CCDC73: variants seen among roughly 807,000 people sequenced by gnomAD.
The protein encoded by CCDC73 is coiled-coil domain-containing protein 73.
CCDC73 carries 95 observed loss-of-function variants against 116.5 expected under a neutral mutation model. The observed-to-expected ratio is 0.82, with a 90% CI of 0.69 to 0.97. CCDC73 has a LOEUF of 0.97. Ranked by LOEUF, CCDC73 falls within the 50% of genes least tolerant of loss-of-function variation. The pLI is 0.00. For synonymous variants in CCDC73, 398 were observed against 401.3 expected (o/e 0.99, Z 0.10); for missense variants, 1,066 against 1,206.8 (o/e 0.88, Z 1.73).
In CCDC73 at chr11:32,613,790, G is replaced by A; in HGVS notation, c.2528C>T (p.Thr843Ile). ...NERQHTLLNN[T>I]EKTESLNDIV... The stretch of plus-strand genomic sequence containing the variant: ...GTCATTTAATGATTCTGTTTTCTCT[G>A]TATTATTTAACAATGTATGCTGTCT... Residue 843 changes from threonine (T) to isoleucine (I), a missense_variant, in exon 16 of 18, where the codon ACA (threonine) becomes ATA (isoleucine). By Grantham distance (89) the Thr-to-Ile change is moderately conservative (BLOSUM62 -1). Coordinates refer to ENST00000335185, the MANE Select transcript of CCDC73 (RefSeq NM_001008391.4). The A allele has an allele frequency of 1.2e-6, 2 of 1,613,698 alleles. No homozygotes were observed. Among genetic ancestry groups the A allele is most frequent in the South Asian group, 1.1e-5 (1 of 91,074 alleles).
rs1425861415 is a variant in CCDC73 at position 32,614,616 on chromosome 11, C to T, written c.1702G>A (p.Glu568Lys). 6.2e-7 allele frequency: 1 copy of T among 1,611,828 alleles called. No individual in the cohort carries two copies. The highest frequency in any genetic ancestry group is 8.5e-7 in the Non-Finnish European group (1 of 1,178,514). ...LDVHHTDVNL[E>K]VENNKTSFNS... Reference sequence around the variant, plus strand: ...AATGATGTTTTGTTATTTTCAACCTCCAGATTTACATCTGTATGGTGAACA... The same window carrying T: ...AATGATGTTTTGTTATTTTCAACCTTCAGATTTACATCTGTATGGTGAACA... Residue 568 changes from glutamate to lysine, a missense_variant, in exon 16 of 18, where the codon GAG becomes AAG. Transcript: ENST00000335185.
chr11:32,703,866 A>G (rs1407637293), intron 3 of CCDC73, among the ~76,000 whole-genome samples: 10 of 152,236 alleles, frequency 6.6e-5, no homozygotes, highest in African/African-American at 2.4e-4. Context: ...ATCAAAGTTA[A>G]TAATTCTCAT....
At chr11:32,652,018 G>C (rs1855830046) in intron 12 of CCDC73, among the ~76,000 whole-genome samples, 1 of 152,110 alleles carries the variant, frequency 6.6e-6, no homozygotes, top group African/African-American at 2.4e-5. Flanking sequence ...AACCACTAAG[G>C]TTTTTTAAGA....
At chr11:32,725,493 C>T (rs910127456) in intron 2 of CCDC73, among the ~76,000 whole-genome samples, 1 of 152,188 alleles carries the variant, frequency 6.6e-6, no homozygotes, top group Non-Finnish European at 1.5e-5. Context: ...GTCCTACCTA[C>T]TAGCTTATAA....
chr11:32,699,560 G>C (rs1459903776), intron 5 of CCDC73, among the ~76,000 whole-genome samples: 1 of 152,114 alleles, frequency 6.6e-6, no homozygotes, highest in Non-Finnish European at 1.5e-5. Flanking sequence ...ATAAAAAAAG[G>C]ATGAGTTCAT....
intron 9 of CCDC73, among the ~76,000 whole-genome samples, chr11:32,658,778 T>A (rs11031922): frequency 6.6e-6 from 1 of 151,502 alleles, no homozygotes; most frequent in African/African-American, 2.4e-5. Flanking sequence ...TGAGACATTC[T>A]AAAAAAAAAT....
At chr11:32,829,551 C>G in the CCDC73 span, among the ~76,000 whole-genome samples, 2 of 152,234 alleles carry the variant, frequency 1.3e-5, no homozygotes, top group Non-Finnish European at 2.9e-5. Context: ...CGTCCCCGGA[C>G]CACCCTTTTG....
chr11:32,724,376 A>G (rs1195930798), intron 2 of CCDC73, among the ~76,000 whole-genome samples: 3 of 152,278 alleles, frequency 2.0e-5, no homozygotes, highest in South Asian at 2.1e-4. Flanking sequence ...ACGTGATAGT[A>G]TAGTTATTAA....
chr11:32,735,827 A>G (rs1183055853), intron 2 of CCDC73, among the ~76,000 whole-genome samples: 2 of 152,186 alleles, frequency 1.3e-5, no homozygotes, highest in African/African-American at 2.4e-5. Context: ...GACCAATGGA[A>G]CAGAACAGAG....
the CCDC73 span, among the ~76,000 whole-genome samples, chr11:32,820,680 T>A: frequency 6.6e-6 from 1 of 152,192 alleles, no homozygotes. Flanking sequence ...TCTAAAATGG[T>A]TATTCCAGTA....
chr11:32,629,688 C>T (rs1855611450), intron 14 of CCDC73, among the ~76,000 whole-genome samples: 1 of 149,490 alleles, frequency 6.7e-6, no homozygotes, highest in South Asian at 2.1e-4. Context: ...AGCCTCCGTG[C>T]CCAGCCGATA....
In CCDC73 at chr11:32,615,723, G is replaced by T. The variant is rs1855467422; in HGVS notation, c.1375+217C>A. 7.6e-6 allele frequency: 3 copies of T among 396,204 alleles called. No homozygotes were observed. In the South Asian group the frequency reaches 9.4e-5, roughly 12 times the overall value. The allele number at this position is 396,204 out of a possible 1,614,324, so 24.5% of individuals were successfully genotyped here. On this transcript the variant is annotated intron_variant, in intron 15 of 17. Transcript: ENST00000335185. ...TAAATTATTCCAATGGTTACAGAAA[G>T]GTTATCTGAATTAAGAAAAATGCCC...
At chr11:32,718,975 A>G (rs1849968085) in intron 2 of CCDC73, among the ~76,000 whole-genome samples, 1 of 152,112 alleles carries the variant, frequency 6.6e-6, no homozygotes, top group Non-Finnish European at 1.5e-5. Context: ...AATATCAGAG[A>G]ACGCCCTTCT....
chr11:32,689,643 A>G (rs749977758), intron 6 of CCDC73, among the ~76,000 whole-genome samples: 1 of 152,186 alleles, frequency 6.6e-6, no homozygotes, highest in Non-Finnish European at 1.5e-5. Flanking sequence ...AGGTCATTAT[A>G]AATAAAAAAC....
chr11:32,760,310 T>C (rs532183931), intron 1 of CCDC73, 52 bp from the exon 2 acceptor site: 3 of 1,063,142 alleles, frequency 2.8e-6, no homozygotes, highest in Non-Finnish European at 2.8e-6. Context: ...GTTTTTCAAG[T>C]AAAAGCATAG....
intron 7 of CCDC73, among the ~76,000 whole-genome samples, chr11:32,678,783 T>G (rs983777801): frequency 1.3e-5 from 2 of 151,276 alleles, no homozygotes; most frequent in African/African-American, 4.9e-5. Context: ...CTGGGGAGGC[T>G]GAGGCAGGAG....
At chr11:32,803,582 T>G in the CCDC73 span, among the ~76,000 whole-genome samples, 1 of 152,360 alleles carries the variant, frequency 6.6e-6, no homozygotes, top group Admixed American at 6.5e-5. Flanking sequence ...GATCTTGAAC[T>G]TTGTATAGTG....
the CCDC73 span, among the ~76,000 whole-genome samples, chr11:32,802,503 G>A: frequency 6.6e-6 from 1 of 152,044 alleles, no homozygotes; most frequent in South Asian, 2.1e-4. Flanking sequence ...GATGATCAAG[G>A]AAAAAGCTGT....
the CCDC73 span, among the ~76,000 whole-genome samples, chr11:32,827,163 C>G: frequency 6.6e-6 from 1 of 152,006 alleles, no homozygotes; most frequent in Admixed American, 6.6e-5. Context: ...CGTGCCCGAC[C>G]AAGAATATTA....
Sources: allele counts gnomAD v4.1 joint callset (sites outside exome capture counted in the v4.1 genomes callset), GRCh38; gene constraint gnomAD v4.1.1; transcripts MANE v1.5; gene names NCBI Gene and HGNC (gene_info 2026-07-23, HGNC 2026-07-21).